MYO16: variants seen among roughly 807,000 people sequenced by gnomAD.
MYO16 encodes myosin XVI.
Under a neutral mutation model 205.3 loss-of-function variants are expected in MYO16, and 94 were observed. The observed-to-expected ratio is 0.46, with a 90% CI of 0.39 to 0.54. The LOEUF is 0.54. Among genes scored for constraint, MYO16 ranks in the 20% least tolerant of loss-of-function variants. The probability of loss-of-function intolerance (pLI) is 0.00; values close to 1 mark genes in which losing one functional copy is unlikely to be tolerated. For missense variants in MYO16, 2,315 were observed against 2,387.5 expected, an observed-to-expected ratio of 0.97 and a Z score of 0.63; for synonymous variants, 988 against 954.0, an observed-to-expected ratio of 1.04 and a Z score of -0.66.
intron 28 of MYO16, among the ~76,000 whole-genome samples, chr13:109,118,653 A>G (rs577184175): frequency 1.3e-5 from 2 of 152,346 alleles, no homozygotes; most frequent in East Asian, 1.9e-4. Flanking sequence ...CCCACAATCA[A>G]TGATGAACAG....
intron 4 of MYO16, among the ~76,000 whole-genome samples, chr13:108,784,691 G>A (rs999208154): frequency 1.3e-5 from 2 of 152,174 alleles, no homozygotes; most frequent in Non-Finnish European, 2.9e-5. Context: ...AACTATGCTA[G>A]TATTGCAACA....
chr13:109,115,049 T>C lies in MYO16; in HGVS notation c.3439-5321T>C, dbSNP rs553780363. On this transcript the variant is annotated intron_variant, in intron 28 of 34. Coordinates refer to ENST00000457511, the MANE Select transcript of MYO16 (RefSeq NM_001198950.3). Reference sequence around the variant, plus strand: ...GAAAAATATCAAAGGATAATAGCTATATTTTTCCTTTGTAAATGCTATTTC... The same window carrying C: ...GAAAAATATCAAAGGATAATAGCTACATTTTTCCTTTGTAAATGCTATTTC... 5.3e-5 allele frequency among the ~76,000 whole-genome samples: 8 copies of C among 152,170 alleles called. 1 individual carries two copies. The highest frequency in any genetic ancestry group is 1.9e-4 in the African/African-American group (8 of 41,524).
intron 1 of MYO16, among the ~76,000 whole-genome samples, chr13:108,649,223 A>T (rs1012906874): frequency 4.2e-5 from 6 of 142,916 alleles, no homozygotes; most frequent in African/African-American, 1.7e-4. Context: ...TTAAAGTATA[A>T]TAAAAAAAAT....
intron 27 of MYO16, among the ~76,000 whole-genome samples, chr13:109,064,583 C>G (rs1361323290): frequency 6.6e-6 from 1 of 152,166 alleles, no homozygotes; most frequent in Non-Finnish European, 1.5e-5. Context: ...TACCTAAGCT[C>G]AAACCAGCTC....
At chr13:109,029,823 C>T (rs1886492133) in intron 23 of MYO16, among the ~76,000 whole-genome samples, 1 of 152,168 alleles carries the variant, frequency 6.6e-6, no homozygotes, top group Non-Finnish European at 1.5e-5. Flanking sequence ...GAGGCATGAT[C>T]CACCTTTTCT....
the MYO16 span, among the ~76,000 whole-genome samples, chr13:108,547,337 A>G: frequency 6.6e-6 from 1 of 151,612 alleles, no homozygotes; most frequent in African/African-American, 2.4e-5. Flanking sequence ...CTGTCAATTC[A>G]CTGGTACCCA....
chr13:108,521,280 C>T, the MYO16 span, among the ~76,000 whole-genome samples: 13 of 152,254 alleles, frequency 8.5e-5, no homozygotes, highest in Middle Eastern at 3.4e-3. Flanking sequence ...GGAGACTTCA[C>T]GAGGGTGTTG....
In MYO16 at chr13:108,632,162, G is replaced by T. The variant is rs75738996; in HGVS notation, c.28+2290G>T. On this transcript the variant is annotated intron_variant, in intron 1 of 34. Transcript: ENST00000457511. ...TAAGGATCATAATTCATGGTTTAAT[G>T]GTTGTTCCTGATGCGTAAGATTTTC... Among the ~76,000 whole-genome samples the T allele has an allele frequency of 2.7e-4, 41 of 151,404 alleles. No homozygotes were observed. The East Asian group carries it at 7.4e-3, about 27-fold the overall frequency.
intron 22 of MYO16, among the ~76,000 whole-genome samples, chr13:109,010,976 T>TATATATATA (rs59979915): frequency 1.3e-4 from 19 of 143,144 alleles, no homozygotes; most frequent in South Asian, 2.2e-4. Context: ...TATATATATA[T>TATATATATA]TTCTTCACCT....
intron 32 of MYO16, among the ~76,000 whole-genome samples, chr13:109,159,201 A>T (rs1878238649): frequency 6.6e-6 from 1 of 152,352 alleles, no homozygotes; most frequent in South Asian, 2.1e-4. Context: ...TCCATTGCAT[A>T]AAAGAAAATA....
chr13:108,641,647 A>G (rs1880508137), intron 1 of MYO16, among the ~76,000 whole-genome samples: 1 of 152,236 alleles, frequency 6.6e-6, no homozygotes, highest in African/African-American at 2.4e-5. Flanking sequence ...ACTCTGAACA[A>G]CTTTACTTAT....
intron 15 of MYO16, among the ~76,000 whole-genome samples, chr13:108,901,428 C>T (rs1880701794): frequency 6.6e-6 from 1 of 152,114 alleles, no homozygotes; most frequent in African/African-American, 2.4e-5. Context: ...CTCAGACCGG[C>T]CGACTCTTAG....
rs1879301827 is a variant in MYO16 at position 109,178,245 on chromosome 13, C to T, written c.5324-1297C>T. Among the ~76,000 whole-genome samples, 2 of 152,128 alleles carry T rather than the reference C, an allele frequency of 1.3e-5. 1 individual carries two copies. Among genetic ancestry groups the T allele is most frequent in the South Asian group, 4.2e-4 (2 of 4,818 alleles). ...CACTATTGCCACGTAGCACCTGAGG[C>T]TACTGCTGCTGCCTGTGGCCGAGAT... On this transcript the variant is annotated intron_variant, in intron 33 of 34. Transcript: ENST00000457511.
At chr13:108,561,692 G>A in the MYO16 span, among the ~76,000 whole-genome samples, 3 of 152,130 alleles carry the variant, frequency 2.0e-5, no homozygotes, top group Non-Finnish European at 4.4e-5. Context: ...ATATCTACTT[G>A]TAGCAGATGC....
chr13:108,867,663 A>G (rs1878787896), intron 12 of MYO16, among the ~76,000 whole-genome samples: 1 of 152,212 alleles, frequency 6.6e-6, no homozygotes, highest in Non-Finnish European at 1.5e-5. Flanking sequence ...TTCTGTGAAT[A>G]TGTGTATTGA....
At chr13:108,543,009 T>C in the MYO16 span, among the ~76,000 whole-genome samples, 1 of 152,002 alleles carries the variant, frequency 6.6e-6, no homozygotes, top group Non-Finnish European at 1.5e-5. Flanking sequence ...GGAGAAAACA[T>C]AGTTTTGTAT....
intron 20 of MYO16, among the ~76,000 whole-genome samples, chr13:108,985,495 G>T (rs149648558): frequency 6.6e-6 from 1 of 152,224 alleles, no homozygotes; most frequent in Non-Finnish European, 1.5e-5. Context: ...TGTAGCTGAC[G>T]TGTCAGCAGA....
At chr13:108,788,776 T>G (rs1363761268) in intron 5 of MYO16, among the ~76,000 whole-genome samples, 1 of 152,218 alleles carries the variant, frequency 6.6e-6, no homozygotes, top group East Asian at 1.9e-4. Context: ...TTTCTTTCCT[T>G]TTTTATTACC....
intron 2 of MYO16, among the ~76,000 whole-genome samples, chr13:108,671,497 T>G (rs758884159): frequency 1.2e-4 from 19 of 152,192 alleles, no homozygotes; most frequent in Non-Finnish European, 2.5e-4. Context: ...GAAGCAGAAG[T>G]GATGGACTAT....
Sources: gnomAD v4.1 joint callset for allele counts (sites outside exome capture counted in the v4.1 genomes callset) on GRCh38, gnomAD v4.1.1 for gene constraint, MANE v1.5 for transcripts, NCBI Gene and HGNC (gene_info 2026-07-23, HGNC 2026-07-21) for gene names.